The following NTM variants were observed in gnomAD, a reference collection of about 807,000 sequenced individuals.
The protein encoded by NTM is IgLON family member 2.
Under a neutral mutation model 42.1 loss-of-function variants are expected in NTM, and 13 were observed. That is an observed-to-expected ratio of 0.31 (90% CI 0.20 to 0.49). The LOEUF (loss-of-function observed/expected upper bound fraction) is 0.49. Ranked by LOEUF, NTM falls within the 20% of genes least tolerant of loss-of-function variation. NTM has a pLI of 0.99. For missense variants in NTM, 373 were observed against 452.8 expected (o/e 0.82, Z 1.60); for synonymous variants, 187 against 179.2 (o/e 1.04, Z -0.35).
chr11:132,335,408 C>G lies in NTM; in HGVS notation c.*262C>G. 1 of 428,972 alleles carries G rather than the reference C, an allele frequency of 2.3e-6. No homozygotes were observed. Among genetic ancestry groups the G allele is most frequent in the Non-Finnish European group, 4.3e-6 (1 of 233,058 alleles). The allele number at this position is 428,972 out of a possible 1,614,324, so 26.6% of individuals were successfully genotyped here. ...TCCCAAACGGGAAGAACACAGCACACCCGGCTTGGACCCACTGCAAGCTGC... is the reference window on the plus strand; with the variant it reads ...TCCCAAACGGGAAGAACACAGCACAGCCGGCTTGGACCCACTGCAAGCTGC... On this transcript the variant is annotated 3_prime_UTR_variant, in exon 9 of 9. Coordinates refer to ENST00000683400, the MANE Select transcript of NTM (RefSeq NM_001352005.2).
chr11:131,438,224 C>T (rs539594333), intron 1 of NTM, among the ~76,000 whole-genome samples: 4 of 152,284 alleles, frequency 2.6e-5, no homozygotes, highest in Non-Finnish European at 5.9e-5. Context: ...TTTTTTCCTT[C>T]ATTTCAACCT....
intron 1 of NTM, among the ~76,000 whole-genome samples, chr11:131,834,828 T>C (rs1468737531): frequency 1.3e-5 from 2 of 152,010 alleles, no homozygotes; most frequent in African/African-American, 4.8e-5. Context: ...CACCCTGCTA[T>C]ACTGCCTCCC....
intron 4 of NTM, among the ~76,000 whole-genome samples, chr11:132,226,897 C>T (rs1230816498): frequency 6.6e-6 from 1 of 152,160 alleles, no homozygotes; most frequent in Non-Finnish European, 1.5e-5. Context: ...TGGTGTATAC[C>T]ATGCTGGTAA....
chr11:132,068,878 C>A (rs2056918059), intron 2 of NTM, among the ~76,000 whole-genome samples: 1 of 152,232 alleles, frequency 6.6e-6, no homozygotes. Flanking sequence ...TAGGGCCTTT[C>A]AGCTGATTGG....
intron 1 of NTM, among the ~76,000 whole-genome samples, chr11:131,849,904 T>G (rs2045332473): frequency 6.6e-6 from 1 of 151,278 alleles, no homozygotes. Context: ...CACACCAACA[T>G]GGCACATGTA....
intron 1 of NTM, among the ~76,000 whole-genome samples, chr11:131,526,385 G>A (rs1462667184): frequency 2.0e-5 from 3 of 152,218 alleles, no homozygotes. Context: ...TTTCAGGTGG[G>A]CTAATCACCA....
At chr11:131,781,927 G>T (rs1409090587) in intron 1 of NTM, among the ~76,000 whole-genome samples, 3 of 152,178 alleles carry the variant, frequency 2.0e-5, no homozygotes, top group Non-Finnish European at 4.4e-5. Flanking sequence ...AGGTCTTCTA[G>T]ACTTTATTGG....
intron 2 of NTM, among the ~76,000 whole-genome samples, chr11:132,089,396 T>A (rs1443725785): frequency 6.6e-6 from 1 of 152,232 alleles, no homozygotes; most frequent in African/African-American, 2.4e-5. Flanking sequence ...AAAGCTCTGC[T>A]TTTGTCTGTA....
chr11:131,778,927 G>A (rs572891240), intron 1 of NTM, among the ~76,000 whole-genome samples: 53 of 152,386 alleles, frequency 3.5e-4, no homozygotes, highest in Non-Finnish European at 6.0e-4. Context: ...GCAAATGCCG[G>A]TGGGATAGTC....
chr11:132,168,398 T>C (rs905980088), intron 3 of NTM, among the ~76,000 whole-genome samples: 1 of 152,174 alleles, frequency 6.6e-6, no homozygotes, highest in African/African-American at 2.4e-5. Flanking sequence ...AGGTATCTCA[T>C]ATCACTTTCA....
intron 2 of NTM, among the ~76,000 whole-genome samples, chr11:131,966,082 T>C (rs2134595861): frequency 6.6e-6 from 1 of 152,058 alleles, no homozygotes; most frequent in African/African-American, 2.4e-5. Context: ...CACTCGAGGG[T>C]GAGTTAATAG....
chr11:131,996,890 C>A (rs2068149304), intron 2 of NTM, among the ~76,000 whole-genome samples: 1 of 152,164 alleles, frequency 6.6e-6, no homozygotes, highest in Non-Finnish European at 1.5e-5. Flanking sequence ...CCCCGCCCCT[C>A]TAGATGGAGG....
chr11:131,821,582 C>T (rs146404442), intron 1 of NTM, among the ~76,000 whole-genome samples: 546 of 152,368 alleles, frequency 3.6e-3, no homozygotes, highest in African/African-American at 0.012. Context: ...ACATACCTTT[C>T]AGAAAAGTTG....
intron 6 of NTM, among the ~76,000 whole-genome samples, chr11:132,314,020 A>AAAAATTAAGTATTATCTATAC (rs1172574508): frequency 6.6e-6 from 1 of 152,190 alleles, no homozygotes; most frequent in Non-Finnish European, 1.5e-5. Flanking sequence ...TTCATAGCCA[A>AAAAATTAAGTATTATCTATAC]AAAATTAAGT....
chr11:131,401,008 C>T (rs1047065754), intron 1 of NTM, among the ~76,000 whole-genome samples: 11 of 96,344 alleles, frequency 1.1e-4, no homozygotes, highest in Admixed American at 4.6e-4. Flanking sequence ...CACACACACA[C>T]ACAGAAATAG....
intron 3 of NTM, among the ~76,000 whole-genome samples, chr11:132,170,435 A>G (rs553055465): frequency 2.4e-4 from 37 of 152,338 alleles, no homozygotes; most frequent in African/African-American, 8.4e-4. Context: ...GAAAAGCTCT[A>G]TTAGATCCAC....
intron 1 of NTM, among the ~76,000 whole-genome samples, chr11:131,555,911 C>T (rs1237505675): frequency 6.6e-6 from 1 of 152,138 alleles, no homozygotes; most frequent in Non-Finnish European, 1.5e-5. Context: ...GATATGGGCC[C>T]CATGGGTGGC....
At chr11:131,936,157 A>T (rs576959724) in intron 2 of NTM, among the ~76,000 whole-genome samples, 2 of 152,338 alleles carry the variant, frequency 1.3e-5, no homozygotes, top group Admixed American at 6.5e-5. Context: ...CAGTCTCTCA[A>T]GGTATTCAAG....
intron 1 of NTM, among the ~76,000 whole-genome samples, chr11:131,755,696 C>T (rs1467520349): frequency 6.6e-6 from 1 of 152,154 alleles, no homozygotes; most frequent in African/African-American, 2.4e-5. Flanking sequence ...TTCTTTTGAA[C>T]ATGTTTTGCA....
Sources: gnomAD v4.1 joint callset for allele counts (sites outside exome capture counted in the v4.1 genomes callset) on GRCh38, gnomAD v4.1.1 for gene constraint, MANE v1.5 for transcripts, NCBI Gene and HGNC (gene_info 2026-07-23, HGNC 2026-07-21) for gene names.